The following CALCR variants were observed in gnomAD, a reference collection of about 807,000 sequenced individuals.
CALCR encodes the protein calcitonin receptor.
In CALCR, 47 loss-of-function variants were observed where a neutral mutation model predicts 59.5. The observed-to-expected ratio is 0.79, with a 90% CI of 0.63 to 1.01. The LOEUF (loss-of-function observed/expected upper bound fraction) is 1.01. CALCR is among the 50% of genes least tolerant of loss of function. CALCR has a pLI of 0.00. For missense variants in CALCR, 566 were observed against 597.1 expected, an observed-to-expected ratio of 0.95 and a Z score of 0.54; for synonymous variants, 213 against 211.3, an observed-to-expected ratio of 1.01 and a Z score of -0.07.
At position 93,477,617 on chromosome 7, in the gene CALCR, G is replaced by C. The variant is rs146344939; in HGVS notation, c.257C>G (p.Pro86Arg). 1.2e-6 allele frequency: 2 copies of C among 1,611,356 alleles called. No individual in the cohort carries two copies. Among genetic ancestry groups the C allele is most frequent in the Admixed American group, 1.7e-5 (1 of 59,774 alleles). ...WDGWLCWDDT[P>R]AGVLSYQFCP... is the part of the protein sequence containing the mutation. ...GAACTGATAGGACAATACTCCAGCCGGTGTGTCATCCCAGCACAGCCATCC... is the reference window on the plus strand; with the variant it reads ...GAACTGATAGGACAATACTCCAGCCCGTGTGTCATCCCAGCACAGCCATCC... Residue 86 changes from proline to arginine, a missense_variant, in exon 5 of 14, where the codon CCG (proline) becomes CGG (arginine). By Grantham distance (103) the Pro-to-Arg change is moderately radical. Coordinates refer to ENST00000426151, the MANE Select transcript of CALCR (RefSeq NM_001742.4).
intron 13 of CALCR, among the ~76,000 whole-genome samples, chr7:93,427,587 T>C (rs1390295466): frequency 1.3e-5 from 2 of 152,152 alleles, no homozygotes; most frequent in African/African-American, 2.4e-5. Flanking sequence ...CTGGGGAATA[T>C]ATAATGTGAA....
At chr7:93,526,914 C>T (rs944673365) in intron 2 of CALCR, among the ~76,000 whole-genome samples, 1 of 152,000 alleles carries the variant, frequency 6.6e-6, no homozygotes, top group African/African-American at 2.4e-5. Context: ...TCCATGAATA[C>T]ATGGCATTAA....
intron 4 of CALCR, 118 bp downstream of exon 4, chr7:93,479,236 A>G: frequency 9.8e-7 from 1 of 1,024,342 alleles, no homozygotes; most frequent in South Asian, 1.7e-5. Flanking sequence ...ATAGTGTGAA[A>G]ACTGCTGTGA....
At chr7:93,528,196 C>T (rs1584608299) in intron 2 of CALCR, among the ~76,000 whole-genome samples, 1 of 152,176 alleles carries the variant, frequency 6.6e-6, no homozygotes, top group Non-Finnish European at 1.5e-5. Flanking sequence ...GCTTACTACA[C>T]TCATTTATGC....
chr7:93,437,965 G>T, intron 11 of CALCR, 95 bp downstream of exon 11: 1 of 1,080,560 alleles, frequency 9.3e-7, no homozygotes, highest in South Asian at 1.4e-5. Flanking sequence ...GCTTCATTTT[G>T]AAGTTATAAA....
At chr7:93,445,454 A>C (rs2115737275) in intron 8 of CALCR, among the ~76,000 whole-genome samples, 1 of 152,128 alleles carries the variant, frequency 6.6e-6, no homozygotes, top group Non-Finnish European at 1.5e-5. Flanking sequence ...AACAAAGATG[A>C]TGGTCTTATG....
intron 2 of CALCR, among the ~76,000 whole-genome samples, chr7:93,487,217 G>T (rs1358669827): frequency 6.6e-6 from 1 of 151,094 alleles, no homozygotes; most frequent in Non-Finnish European, 1.5e-5. Flanking sequence ...TTATACCTGA[G>T]GCCCTCCTAT....
intron 3 of CALCR, among the ~76,000 whole-genome samples, chr7:93,485,446 G>C (rs763629405): frequency 8.6e-5 from 13 of 151,722 alleles, no homozygotes; most frequent in Non-Finnish European, 1.6e-4. Flanking sequence ...AAGGTAATTA[G>C]ATAATCTTCA....
At chr7:93,513,644 G>A (rs1479056941) in intron 2 of CALCR, among the ~76,000 whole-genome samples, 1 of 151,988 alleles carries the variant, frequency 6.6e-6, no homozygotes, top group Admixed American at 6.6e-5. Context: ...TGTGACCTTC[G>A]AAAAGTTAAT....
intron 2 of CALCR, among the ~76,000 whole-genome samples, chr7:93,520,697 A>G (rs1252849502): frequency 6.6e-6 from 1 of 152,182 alleles, no homozygotes; most frequent in Non-Finnish European, 1.5e-5. Context: ...AGCTACAAAT[A>G]TTCTGACAAG....
rs751388015 is a variant in CALCR, at chr7:93,443,624, C to A, written c.782G>T (p.Trp261Leu). ...CATACCCCAGCCCAAGAGATAATAC[C>A]ACCGCAAGCGTTGCTTCTCAGTAAA... ...AVFTEKQRLR[W>L]YYLLGWGFPL... The change falls in exon 9 of 14, where the codon TGG (tryptophan) becomes TTG (leucine). Residue 261 changes from tryptophan to leucine, a missense_variant. Trp to Leu is a moderately conservative substitution (Grantham distance 61). Coordinates refer to ENST00000426151, the MANE Select transcript of CALCR (RefSeq NM_001742.4). 56 of 1,613,212 alleles carry A rather than the reference C, an allele frequency of 3.5e-5. No homozygotes were observed. Among genetic ancestry groups the A allele is most frequent in the Non-Finnish European group, 4.7e-5 (55 of 1,179,460 alleles).
In CALCR at chr7:93,468,707, G is replaced by A; in HGVS notation, c.521+8C>T. ...GAAATAAAGAGCAGATGCTGTGAGT[G>A]TACTTACCTGAAAAACACGAAAATC... On this transcript the variant is annotated splice_region_variant and intron_variant, in intron 7 of 13. Coordinates refer to ENST00000426151, the MANE Select transcript of CALCR (RefSeq NM_001742.4). 2 of 1,582,040 alleles carry A rather than the reference G, an allele frequency of 1.3e-6. No homozygotes were observed. The highest frequency in any genetic ancestry group is 1.7e-6 in the Non-Finnish European group (2 of 1,152,406).
At chr7:93,545,783 C>G (rs1395166461) in intron 2 of CALCR, among the ~76,000 whole-genome samples, 3 of 152,020 alleles carry the variant, frequency 2.0e-5, no homozygotes, top group Admixed American at 2.0e-4. Context: ...CATATCACCC[C>G]TTTTTCATCA....
chr7:93,478,636 A>AATATATAT lies in CALCR; in HGVS notation c.205+710_205+717dup, dbSNP rs10543619. 7.4e-4 allele frequency among the ~76,000 whole-genome samples: 109 copies of AATATATAT among 147,566 alleles called. 1 individual carries two copies. Among genetic ancestry groups the AATATATAT allele is most frequent in the Admixed American group, 4.0e-3 (58 of 14,592 alleles). Reference sequence around the variant, plus strand: ...GGCGAGAGAGTGAGACCCTGTCTTAAATATATATATATATATATATATATA... The same window carrying AATATATAT: ...GGCGAGAGAGTGAGACCCTGTCTTAAATATATATATATATATATATATATATATATATA... On this transcript the variant is annotated intron_variant, in intron 4 of 13. Transcript: ENST00000426151.
At chr7:93,554,929 A>G (rs192956948) in intron 2 of CALCR, among the ~76,000 whole-genome samples, 1 of 151,760 alleles carries the variant, frequency 6.6e-6, no homozygotes, top group East Asian at 1.9e-4. Flanking sequence ...ATCCCTATTG[A>G]TTATGTGAGA....
intron 8 of CALCR, among the ~76,000 whole-genome samples, chr7:93,447,489 T>G (rs1281721229): frequency 6.6e-6 from 1 of 151,960 alleles, no homozygotes; most frequent in Non-Finnish European, 1.5e-5. Flanking sequence ...AGGTAATCAA[T>G]GTTTTGAGGT....
At chr7:93,449,764 G>C (rs1404618918) in intron 8 of CALCR, among the ~76,000 whole-genome samples, 1 of 152,036 alleles carries the variant, frequency 6.6e-6, no homozygotes, top group Non-Finnish European at 1.5e-5. Context: ...ACAAAGATCA[G>C]TACATATCTG....
chr7:93,434,314 T>G lies in CALCR; in HGVS notation c.1150-20A>C, dbSNP rs768579247. The G allele has an allele frequency of 1.3e-6, 2 of 1,589,414 alleles. No homozygotes were observed. The highest frequency in any genetic ancestry group is 1.7e-6 in the Non-Finnish European group (2 of 1,159,912). On this transcript the variant is annotated intron_variant, in intron 12 of 13. Coordinates refer to ENST00000426151, the MANE Select transcript of CALCR (RefSeq NM_001742.4). ...GAAGCCCTAAAAAGGGAAGGAAAAA[T>G]ACAGTTGAAGTTATTTTTGTGTGCA...
chr7:93,512,970 A>G (rs754543839), intron 2 of CALCR, among the ~76,000 whole-genome samples: 7 of 152,212 alleles, frequency 4.6e-5, no homozygotes, highest in Non-Finnish European at 7.4e-5. Flanking sequence ...AGCCTGTTAT[A>G]TAACAAAACA....
Sources: gnomAD v4.1 joint callset for allele counts (sites outside exome capture counted in the v4.1 genomes callset) on GRCh38, gnomAD v4.1.1 for gene constraint, MANE v1.5 for transcripts, NCBI Gene and HGNC (gene_info 2026-07-23, HGNC 2026-07-21) for gene names.